The following MFRP variants were observed in gnomAD, a reference collection of about 807,000 sequenced individuals.
The protein encoded by MFRP is membrane frizzled-related protein.
A neutral mutation model predicts 65.8 loss-of-function variants in MFRP; 74 were observed. The ratio of observed to expected loss-of-function variants is 1.12; its 90% CI spans 0.93 to 1.36. MFRP has a LOEUF of 1.36. Among genes scored for constraint, MFRP ranks in the 40% most tolerant of loss-of-function variants. The probability of loss-of-function intolerance (pLI) is 0.00; values close to 1 mark genes in which losing one functional copy is unlikely to be tolerated. For missense variants in MFRP, 838 were observed against 736.0 expected, an observed-to-expected ratio of 1.14 and a Z score of -1.60; for synonymous variants, 336 against 288.3, an observed-to-expected ratio of 1.17 and a Z score of -1.68.
Position 119,342,645 on chromosome 11 carries a change from G to A in MFRP, c.1338C>T (p.Cys446=), listed in dbSNP as rs762905998. The change falls in exon 11 of 15, where the codon TGC becomes TGT. Residue 446 remains cysteine, a synonymous_variant. Transcript: ENST00000619721. Reference sequence around the variant, plus strand: ...TGCAGTTGTCATCGCTGCCATCGGTGCAGTCTCTCCACATGTCACACATCC... The same window carrying A: ...TGCAGTTGTCATCGCTGCCATCGGTACAGTCTCTCCACATGTCACACATCC... The part of the protein sequence containing the change: ...VQWMCDMWRD[C]TDGSDDNCSG... 1 of 1,613,672 alleles carries A rather than the reference G, an allele frequency of 6.2e-7. No individual in the cohort carries two copies. The highest frequency in any genetic ancestry group is 1.1e-5 in the South Asian group (1 of 91,086).
Position 119,344,765 on chromosome 11 carries a change from T to G in MFRP, c.773-8A>C, listed in dbSNP as rs143891457. The G allele has an allele frequency of 4.8e-4, 772 of 1,613,906 alleles. 4 individuals carry two copies. In the African/African-American group the frequency reaches 9.3e-3, roughly 19 times the overall value. On this transcript the variant is annotated splice_region_variant and splice_polypyrimidine_tract_variant and intron_variant, in intron 6 of 14. Coordinates refer to ENST00000619721, the MANE Select transcript of MFRP (RefSeq NM_031433.4). ...CATCATGGGCACAGCTCCCTGGATG[T>G]GGGCACCAGGAGTCAGGGAGGCCCG...
rs755272808 is a variant in MFRP at position 119,340,403 on chromosome 11, T to C, written c.*891A>G. 1.6e-5 allele frequency: 25 copies of C among 1,543,940 alleles called. 1 individual carries two copies. The South Asian group carries it at 2.7e-4, about 17-fold the overall frequency. On this transcript the variant is annotated 3_prime_UTR_variant, in exon 14 of 15. Coordinates refer to ENST00000619721, the MANE Select transcript of MFRP (RefSeq NM_031433.4). ...AGGACGAGGAGTGGCCTCATAGCGC[T>C]GGCACCGGGAGCCCGGACGCCGGGG...
chr11:119,341,385 GGGT>G lies in MFRP; in HGVS notation c.*160_*162del. On this transcript the variant is annotated 3_prime_UTR_variant, in exon 13 of 15. Transcript: ENST00000619721. ...ACAGGAAGGAGCAGGGAGGGTGGTA[GGGT>G]CCCATGAGCCCCAGCTGAGGACTTC... 6.4e-6 allele frequency: 4 copies of G among 628,836 alleles called. No homozygotes were observed. The highest frequency in any genetic ancestry group is 2.7e-5 in the East Asian group (1 of 36,640). The allele number at this position is 628,836 out of a possible 1,614,324, so 39.0% of individuals were successfully genotyped here. A position where few individuals can be genotyped will look rare whatever the true frequency, so the allele number is the denominator to read the frequency against.
chr11:119,343,179 C>T (rs757045127), intron 9 of MFRP, among the ~76,000 whole-genome samples, 176 bp from the exon 10 acceptor site: 2 of 152,234 alleles, frequency 1.3e-5, no homozygotes, highest in Admixed American at 6.5e-5. Flanking sequence ...AAGCATTAAA[C>T]AAACTGTCTG....
chr11:119,340,041 TG>T, intron 14 of MFRP, 142 bp downstream of exon 14: 1 of 1,258,982 alleles, frequency 7.9e-7, no homozygotes, highest in Non-Finnish European at 1.0e-6. Flanking sequence ...TCCCGCCGCC[TG>T]GGCCCCTCCC....
rs770249529 is a variant in MFRP, at chr11:119,339,438, C to T, written c.*1521G>A. 1.9e-6 allele frequency: 3 copies of T among 1,614,088 alleles called. No homozygotes were observed. Among genetic ancestry groups the T allele is most frequent in the South Asian group, 1.1e-5 (1 of 91,070 alleles). On this transcript the variant is annotated 3_prime_UTR_variant, in exon 15 of 15. Coordinates refer to ENST00000619721, the MANE Select transcript of MFRP (RefSeq NM_031433.4). This position sits in a 1 kb window ranked among gnomAD's most constrained non-coding sequence, Gnocchi z 5.4. ...ATGCCAATGTAGTCACCCACACCCA[C>T]CTGCACCCACACTTGGTCCTCAGGC...
chr11:119,346,244 C>T (rs1340033871), intron 2 of MFRP, 28 bp downstream of exon 2: 1 of 1,583,704 alleles, frequency 6.3e-7, no homozygotes, highest in Non-Finnish European at 8.6e-7. Flanking sequence ...TCTCTGTCCT[C>T]CCCCAGGTCA....
Position 119,344,873 on chromosome 11 carries a change from C to A in MFRP, c.772+1G>T. The A allele has an allele frequency of 6.2e-7, 1 of 1,613,272 alleles. No individual in the cohort carries two copies. On this transcript the variant is annotated splice_donor_variant, in intron 6 of 14. Coordinates refer to ENST00000619721, the MANE Select transcript of MFRP (RefSeq NM_031433.4). LOFTEE classifies it high-confidence loss of function. The stretch of plus-strand genomic sequence containing the variant: ...CAACAGGCAGGTGGGAACACACTCA[C>A]CGCGCCCAGGGGCCATAGCCTGGTA...
intron 7 of MFRP, 44 bp downstream of exon 7, chr11:119,344,588 C>T (rs779170726): frequency 6.2e-7 from 1 of 1,613,506 alleles, no homozygotes; most frequent in Middle Eastern, 1.7e-4. Context: ...AGCTTGAACC[C>T]AGATCAGACG....
At position 119,345,269 on chromosome 11, in the gene MFRP, G is replaced by C. The variant is rs117866758; in HGVS notation, c.641+151C>G. 14 of 839,528 alleles carry C rather than the reference G, an allele frequency of 1.7e-5. No homozygotes were observed. In the East Asian group the frequency reaches 3.2e-4, roughly 19 times the overall value. The allele number at this position is 839,528 out of a possible 1,614,324, so 52.0% of individuals were successfully genotyped here. A position where few individuals can be genotyped will look rare whatever the true frequency, so the allele number is the denominator to read the frequency against. ...AGAGAGGGGAAGTGATCTTCCTCAC[G>C]GCACACAGCAAGGTGGTGGCAGAGC... On this transcript the variant is annotated intron_variant, in intron 5 of 14. Transcript: ENST00000619721.
Position 119,346,051 on chromosome 11 carries a change from A to G in MFRP, c.266T>C (p.Leu89Pro), listed in dbSNP as rs1449728111. The change falls in exon 3 of 15, where the codon CTG becomes CCG. Residue 89 changes from leucine to proline, a missense_variant. Leu to Pro is a moderately conservative substitution (Grantham distance 98). Transcript: ENST00000619721. ...LLLGLLVAII[L>P]AQLQAAPPSG... ...AGCTGTCCCCGGGTACTTACGGGCC[A>G]GGATGATGGCCACCAGCAGCCCAAG... The G allele has an allele frequency of 6.2e-7, 1 of 1,611,270 alleles. No homozygotes were observed. Among genetic ancestry groups the G allele is most frequent in the Non-Finnish European group, 8.5e-7 (1 of 1,178,832 alleles).
At chr11:119,344,480 G>A in intron 7 of MFRP, 89 bp from the exon 8 acceptor site, 1 of 1,557,948 alleles carries the variant, frequency 6.4e-7, no homozygotes, top group Non-Finnish European at 8.8e-7. Flanking sequence ...GAGAGTTTTG[G>A]CCATGCCCAT....
At chr11:119,344,162 G>T (rs1020714827) in intron 8 of MFRP, among the ~76,000 whole-genome samples, 153 bp downstream of exon 8, 1 of 151,954 alleles carries the variant, frequency 6.6e-6, no homozygotes, top group Non-Finnish European at 1.5e-5. Flanking sequence ...TACACAGCAG[G>T]CACTTAATAA....
At position 119,341,173 on chromosome 11, in the gene MFRP, A is replaced by G. The variant is rs1484859158; in HGVS notation, c.*375T>C. 1 of 283,010 alleles carries G rather than the reference A, an allele frequency of 3.5e-6. No individual in the cohort carries two copies. Among genetic ancestry groups the G allele is most frequent in the Admixed American group, 4.9e-5 (1 of 20,486 alleles). 17.5% of individuals were successfully genotyped at this position (283,010 alleles called of 1,614,324 possible). On this transcript the variant is annotated 3_prime_UTR_variant, in exon 13 of 15. Coordinates refer to ENST00000619721, the MANE Select transcript of MFRP (RefSeq NM_031433.4). Reference sequence around the variant, plus strand: ...ACAGCCAGTTGGATCCCTAGGGCCTAGGACAGGGGCCTGCCACATGAATAG... The same window carrying G: ...ACAGCCAGTTGGATCCCTAGGGCCTGGGACAGGGGCCTGCCACATGAATAG...
intron 5 of MFRP, 33 bp downstream of exon 5, chr11:119,345,387 A>C: frequency 6.2e-7 from 1 of 1,602,880 alleles, no homozygotes; most frequent in Non-Finnish European, 8.5e-7. Flanking sequence ...GGTTCAGGAC[A>C]CGGTGGGATG....
At position 119,341,630 on chromosome 11, in the gene MFRP, A is replaced by G. The variant is rs1314617268; in HGVS notation, c.1658T>C (p.Leu553Pro). ...GGGCCAGGGGGTGCCCAGTAGTGCCAGGCCAGACTGGCACTGGTGCTCCGC... is the reference window on the plus strand; with the variant it reads ...GGGCCAGGGGGTGCCCAGTAGTGCCGGGCCAGACTGGCACTGGTGCTCCGC... ...QEAEHQCQSG[L>P]ALLGTPWPFN... is the part of the protein sequence containing the mutation. The change falls in exon 13 of 15, where the codon CTG (leucine) becomes CCG (proline). Residue 553 changes from leucine to proline, a missense_variant. Transcript: ENST00000619721. 6.2e-7 allele frequency: 1 copy of G among 1,612,996 alleles called. No individual in the cohort carries two copies. Among genetic ancestry groups the G allele is most frequent in the African/African-American group, 1.3e-5 (1 of 75,066 alleles).
chr11:119,339,161 C>A lies in MFRP; in HGVS notation c.*1798G>T. On this transcript the variant is annotated 3_prime_UTR_variant, in exon 15 of 15. Coordinates refer to ENST00000619721, the MANE Select transcript of MFRP (RefSeq NM_031433.4). This position sits in a 1 kb window ranked among gnomAD's most constrained non-coding sequence, Gnocchi z 5.4. ...TGCCCCATGCTGCCAGACCTGATCG[C>A]AGACAGCCACTGTTCCCATTCCTTG... The A allele has an allele frequency of 1.4e-6, 1 of 730,892 alleles. No individual in the cohort carries two copies. Among genetic ancestry groups the A allele is most frequent in the Non-Finnish European group, 2.2e-6 (1 of 455,268 alleles). The allele number at this position is 730,892 out of a possible 1,614,324, so 45.3% of individuals were successfully genotyped here.
At chr11:119,344,074 T>C in intron 8 of MFRP, 110 bp from the exon 9 acceptor site, 1 of 1,418,878 alleles carries the variant, frequency 7.0e-7, no homozygotes, top group Non-Finnish European at 9.8e-7. Context: ...GGGTGGTGCT[T>C]TCATCATTGG....
chr11:119,341,723 C>T lies in MFRP; in HGVS notation c.1565G>A (p.Gly522Glu), dbSNP rs770531976. ...CYQHFRRLLC[G>E]LLVPRCTPLG... ...TGGGGTGCAACGGGGCACAAGCAGC[C>T]CACACAGGAGCCTCCGGAAATGCTG... Residue 522 changes from glycine (G) to glutamate (E), a missense_variant, in exon 13 of 15, where the codon GGG becomes GAG. Transcript: ENST00000619721. 2 of 1,613,292 alleles carry T rather than the reference C, an allele frequency of 1.2e-6. No individual in the cohort carries two copies. Among genetic ancestry groups the T allele is most frequent in the Non-Finnish European group, 1.7e-6 (2 of 1,180,036 alleles).
Sources: gnomAD v4.1 joint callset for allele counts (sites outside exome capture counted in the v4.1 genomes callset) on GRCh38, gnomAD v4.1.1 for gene constraint, Gnocchi (gnomAD v3.1) non-coding constraint, MANE v1.5 for transcripts, NCBI Gene and HGNC (gene_info 2026-07-23, HGNC 2026-07-21) for gene names.